The following RALGPS1 variants were observed in gnomAD, a reference collection of about 807,000 sequenced individuals.
RALGPS1 encodes the protein Ral GEF with PH domain and SH3 binding motif 1, also known as ras-specific guanine nucleotide-releasing factor RalGPS1.
Under a neutral mutation model 78.8 loss-of-function variants are expected in RALGPS1, and 19 were observed. That is an observed-to-expected ratio of 0.24 (90% confidence interval 0.17 to 0.35). RALGPS1 has a LOEUF of 0.35. RALGPS1 is among the 10% of genes least tolerant of loss of function. The pLI is 1.00. For synonymous variants in RALGPS1, 228 were observed against 256.3 expected (o/e 0.89, Z 1.06); for missense variants, 454 against 688.3 (o/e 0.66, Z 3.81).
chr9:127,042,475 TA>T (rs961003266), intron 5 of RALGPS1, among the ~76,000 whole-genome samples: 18 of 150,270 alleles, frequency 1.2e-4, no homozygotes, highest in South Asian at 6.3e-4. Flanking sequence ...CATTCATAAT[TA>T]AAAAAAAAAT....
At chr9:127,123,056 G>A (rs927785268) in intron 8 of RALGPS1, among the ~76,000 whole-genome samples, 3 of 152,246 alleles carry the variant, frequency 2.0e-5, no homozygotes, top group African/African-American at 7.2e-5. Flanking sequence ...CAGGCAGCGG[G>A]TCCTCCCCCT....
chr9:126,914,941 AG>A lies in RALGPS1; in HGVS notation c.-98del, dbSNP rs1035730043. On this transcript the variant is annotated 5_prime_UTR_variant, in exon 1 of 19. The change abolishes the stop of an existing upstream ORF in the 5' untranslated region. Coordinates refer to ENST00000259351, the MANE Select transcript of RALGPS1 (RefSeq NM_014636.3). ...CCGCTGGGCCGCTCCCAGGGCCATGAGGAAGCGGCGGCAGCCACTGCGGCCC... is the reference window on the plus strand; with the variant it reads ...CCGCTGGGCCGCTCCCAGGGCCATGAGAAGCGGCGGCAGCCACTGCGGCCC... The A allele has an allele frequency of 2.6e-5, 4 of 151,426 alleles. No homozygotes were observed. The highest frequency in any genetic ancestry group is 4.4e-5 in the Non-Finnish European group (3 of 67,602). The allele number at this position is 151,426 out of a possible 1,614,324, so 9.4% of individuals were successfully genotyped here.
At chr9:127,037,399 C>A (rs948915625) in intron 5 of RALGPS1, among the ~76,000 whole-genome samples, 1 of 152,210 alleles carries the variant, frequency 6.6e-6, no homozygotes, top group Admixed American at 6.5e-5. Flanking sequence ...TTTTTCCATT[C>A]ATGGAGATTG....
chr9:126,958,993 A>T (rs2038626211), intron 1 of RALGPS1, among the ~76,000 whole-genome samples: 1 of 150,308 alleles, frequency 6.7e-6, no homozygotes, highest in African/African-American at 2.4e-5. Flanking sequence ...GTGATGTGGT[A>T]TCTCATTATG....
chr9:127,125,896 C>T (rs533180199), intron 8 of RALGPS1, among the ~76,000 whole-genome samples: 2 of 152,216 alleles, frequency 1.3e-5, no homozygotes, highest in South Asian at 2.1e-4. Flanking sequence ...TGACACAATT[C>T]GTAAGAATGA....
intron 2 of RALGPS1, among the ~76,000 whole-genome samples, chr9:126,963,357 G>A (rs1477478577): frequency 6.6e-6 from 1 of 152,064 alleles, no homozygotes; most frequent in African/African-American, 2.4e-5. Flanking sequence ...ATATGTGTGT[G>A]TGTGTGTATA....
chr9:126,926,318 A>G (rs1289385642), intron 1 of RALGPS1, among the ~76,000 whole-genome samples: 1 of 152,216 alleles, frequency 6.6e-6, no homozygotes, highest in African/African-American at 2.4e-5. Flanking sequence ...TAAATACATA[A>G]TGATAATACA....
chr9:127,220,678 T>G lies in RALGPS1; in HGVS notation c.*1909T>G, dbSNP rs2062749995. 6.6e-6 allele frequency: 1 copy of G among 152,252 alleles called. No individual in the cohort carries two copies. The highest frequency in any genetic ancestry group is 2.4e-5 in the African/African-American group (1 of 41,470). The allele number at this position is 152,252 out of a possible 1,614,324, so 9.4% of individuals were successfully genotyped here. ...TCAGAACCATGCAGTGTTAACACTT[T>G]AACCTACATTGAATCTGATTCTACC... On this transcript the variant is annotated 3_prime_UTR_variant, in exon 19 of 19. Coordinates refer to ENST00000259351, the MANE Select transcript of RALGPS1 (RefSeq NM_014636.3).
intron 8 of RALGPS1, among the ~76,000 whole-genome samples, chr9:127,081,246 C>G (rs1389070594): frequency 1.3e-5 from 2 of 152,070 alleles, no homozygotes; most frequent in African/African-American, 2.4e-5. Context: ...TTTAAATATA[C>G]ATTTCTCTGC....
chr9:126,991,453 T>C (rs1040615350), intron 4 of RALGPS1, among the ~76,000 whole-genome samples: 2 of 152,092 alleles, frequency 1.3e-5, no homozygotes, highest in South Asian at 4.1e-4. Flanking sequence ...TCCTTTTAAG[T>C]GAATAAATAA....
At chr9:127,185,517 T>C (rs2060587374) in intron 11 of RALGPS1, among the ~76,000 whole-genome samples, 1 of 152,234 alleles carries the variant, frequency 6.6e-6, no homozygotes, top group Non-Finnish European at 1.5e-5. Flanking sequence ...AAAAGTGAGA[T>C]AGCAACAGTA....
At chr9:127,134,006 TC>T (rs111468329) in intron 8 of RALGPS1, among the ~76,000 whole-genome samples, 11 of 145,448 alleles carry the variant, frequency 7.6e-5, no homozygotes, top group East Asian at 4.1e-4. Flanking sequence ...TTGTCCTCGC[TC>T]CCCCCCCCGT....
At chr9:126,985,209 T>C (rs563897140) in intron 4 of RALGPS1, among the ~76,000 whole-genome samples, 11 of 152,154 alleles carry the variant, frequency 7.2e-5, no homozygotes, top group Non-Finnish European at 1.5e-4. Context: ...TCCTTTTCCA[T>C]GATGTATCGG....
chr9:127,207,408 C>T (rs1348570925), intron 14 of RALGPS1, among the ~76,000 whole-genome samples: 1 of 152,138 alleles, frequency 6.6e-6, no homozygotes, highest in African/African-American at 2.4e-5. Context: ...AACGGCCTTC[C>T]TAGGACACTG....
At chr9:126,976,344 C>T (rs576356054) in intron 3 of RALGPS1, among the ~76,000 whole-genome samples, 13 of 150,546 alleles carry the variant, frequency 8.6e-5, no homozygotes, top group East Asian at 2.0e-4. Flanking sequence ...TTCATATACA[C>T]GCACACACGT....
chr9:126,930,421 T>C (rs558331350), intron 1 of RALGPS1, among the ~76,000 whole-genome samples: 1 of 152,250 alleles, frequency 6.6e-6, no homozygotes, highest in East Asian at 1.9e-4. Flanking sequence ...CCTGGAAAAC[T>C]AAGTTGGTAA....
chr9:127,196,630 A>C lies in RALGPS1; in HGVS notation c.1194A>C (p.Leu398=), dbSNP rs1432439764. The change falls in exon 13 of 19, where the codon CTA becomes CTC. Residue 398 remains leucine, a splice_region_variant and synonymous_variant. Transcript: ENST00000259351. ...SSSAVTNGLS[L]GSSESSEFSE... Reference sequence around the variant, plus strand: ...CTGCTGTCACCAATGGACTCTCCCTAGGTAAGCGTCTCCGGCCTGCACATG... The same window carrying C: ...CTGCTGTCACCAATGGACTCTCCCTCGGTAAGCGTCTCCGGCCTGCACATG... 19 of 1,591,874 alleles carry C rather than the reference A, an allele frequency of 1.2e-5. No homozygotes were observed. The highest frequency in any genetic ancestry group is 1.6e-5 in the Non-Finnish European group (19 of 1,167,780).
At chr9:127,200,070 G>T (rs1234300095) in intron 14 of RALGPS1, among the ~76,000 whole-genome samples, 2 of 152,086 alleles carry the variant, frequency 1.3e-5, no homozygotes, top group Non-Finnish European at 2.9e-5. Flanking sequence ...ACTGTCACAC[G>T]TGGGTGTATA....
chr9:127,140,533 AC>A (rs2138637092), intron 8 of RALGPS1, among the ~76,000 whole-genome samples: 1 of 152,284 alleles, frequency 6.6e-6, no homozygotes, highest in Non-Finnish European at 1.5e-5. Flanking sequence ...GGGGTCTTCC[AC>A]CAACAGAACA....
Sources: gnomAD v4.1 joint callset for allele counts (sites outside exome capture counted in the v4.1 genomes callset) on GRCh38, gnomAD v4.1.1 for gene constraint, MANE v1.5 for transcripts, NCBI Gene and HGNC (gene_info 2026-07-23, HGNC 2026-07-21) for gene names.